The following MAML3 variants were observed in gnomAD, a reference collection of about 807,000 sequenced individuals.
MAML3 encodes the protein mastermind-like protein 3.
MAML3 carries 27 observed loss-of-function variants against 101.9 expected under a neutral mutation model. That is an observed-to-expected ratio of 0.27 (90% CI 0.20 to 0.37). The LOEUF (loss-of-function observed/expected upper bound fraction) is 0.37, where lower values mean the gene tolerates loss of function less well. Ranked by LOEUF, MAML3 falls within the 10% of genes least tolerant of loss-of-function variation. The pLI is 1.00. For synonymous variants in MAML3, 501 were observed against 555.9 expected, an observed-to-expected ratio of 0.90 and a Z score of 1.39; for missense variants, 1,316 against 1,444.9, an observed-to-expected ratio of 0.91 and a Z score of 1.45.
intron 2 of MAML3, among the ~76,000 whole-genome samples, chr4:139,870,758 C>T (rs1168383000): frequency 1.3e-5 from 2 of 152,214 alleles, no homozygotes; most frequent in African/African-American, 4.8e-5. Flanking sequence ...CCTTCCACCT[C>T]AGCCTCCTAA....
At chr4:140,119,584 A>G (rs1471533619) in intron 1 of MAML3, among the ~76,000 whole-genome samples, 1 of 135,492 alleles carries the variant, frequency 7.4e-6, no homozygotes, top group African/African-American at 2.9e-5. Context: ...GGGATACACA[A>G]TTTTTTCCCC....
chr4:139,820,271 A>T (rs1316631872), intron 2 of MAML3, among the ~76,000 whole-genome samples: 2 of 152,268 alleles, frequency 1.3e-5, no homozygotes, highest in Admixed American at 1.3e-4. Context: ...TTACAAAAAC[A>T]TCACCTTTTA....
intron 1 of MAML3, among the ~76,000 whole-genome samples, chr4:139,979,334 C>T (rs1248744649): frequency 6.6e-6 from 1 of 152,166 alleles, no homozygotes; most frequent in Non-Finnish European, 1.5e-5. Flanking sequence ...TTCATTTAAA[C>T]ATGCCTTCTC....
chr4:139,849,070 A>G (rs148866160), intron 2 of MAML3, among the ~76,000 whole-genome samples: 8 of 152,276 alleles, frequency 5.3e-5, no homozygotes, highest in Admixed American at 5.2e-4. Context: ...TCTTCCTGAC[A>G]TATATATTTA....
intron 1 of MAML3, among the ~76,000 whole-genome samples, chr4:140,141,525 T>C (rs1728980043): frequency 1.3e-5 from 2 of 152,136 alleles, no homozygotes; most frequent in Admixed American, 1.3e-4. Flanking sequence ...AATAAAGCCA[T>C]ATAATCAAGC....
At chr4:140,001,270 C>T (rs1291924162) in intron 1 of MAML3, among the ~76,000 whole-genome samples, 2 of 152,194 alleles carry the variant, frequency 1.3e-5, no homozygotes, top group East Asian at 3.8e-4. Flanking sequence ...AGAGCTTCTT[C>T]TCTATAATGA....
At position 139,936,826 on chromosome 4, in the gene MAML3, AC is replaced by A. The variant is rs1281693860; in HGVS notation, c.469-45860del. Among the ~76,000 whole-genome samples, 8 of 152,180 alleles carry A rather than the reference AC, an allele frequency of 5.3e-5. 1 individual carries two copies. In the South Asian group the frequency reaches 1.7e-3, roughly 32 times the overall value. ...CCACTTAAATAGCGTTTAAAAAGTGACCCCCCTGAAAGAAAGTCCTATTTAA... is the reference window on the plus strand; with the variant it reads ...CCACTTAAATAGCGTTTAAAAAGTGACCCCCTGAAAGAAAGTCCTATTTAA... On this transcript the variant is annotated intron_variant, in intron 1 of 4. Transcript: ENST00000509479.
At chr4:139,831,728 A>G (rs1455181278) in intron 2 of MAML3, among the ~76,000 whole-genome samples, 2 of 152,132 alleles carry the variant, frequency 1.3e-5, no homozygotes, top group Admixed American at 1.3e-4. Flanking sequence ...AAAAAAATCA[A>G]TTAAACCGAA....
chr4:139,743,168 A>C (rs1194373678), intron 2 of MAML3, among the ~76,000 whole-genome samples: 1 of 152,204 alleles, frequency 6.6e-6, no homozygotes, highest in Non-Finnish European at 1.5e-5. Context: ...ACACGTCTCC[A>C]CCTAAAGTTA....
At chr4:139,856,966 G>C (rs1165215676) in intron 2 of MAML3, among the ~76,000 whole-genome samples, 1 of 151,844 alleles carries the variant, frequency 6.6e-6, no homozygotes, top group African/African-American at 2.4e-5. Context: ...AAAAAATGAA[G>C]GAAATCCAAG....
At chr4:140,015,914 C>G (rs1161527270) in intron 1 of MAML3, among the ~76,000 whole-genome samples, 1 of 152,136 alleles carries the variant, frequency 6.6e-6, no homozygotes, top group Non-Finnish European at 1.5e-5. Flanking sequence ...GATTGTGCCA[C>G]TGCACTCCAG....
At chr4:139,911,526 C>T (rs1445431481) in intron 1 of MAML3, among the ~76,000 whole-genome samples, 1 of 152,124 alleles carries the variant, frequency 6.6e-6, no homozygotes, top group East Asian at 1.9e-4. Context: ...CCCAGAATTT[C>T]CTTTTTAAGG....
chr4:139,876,461 G>T (rs1423350668), intron 2 of MAML3, among the ~76,000 whole-genome samples: 1 of 152,204 alleles, frequency 6.6e-6, no homozygotes, highest in Non-Finnish European at 1.5e-5. Context: ...ACCAATGGGT[G>T]ATATTGAAAC....
intron 1 of MAML3, among the ~76,000 whole-genome samples, chr4:140,067,539 A>G (rs569912387): frequency 6.6e-6 from 1 of 152,292 alleles, no homozygotes; most frequent in South Asian, 2.1e-4. Context: ...GATAGAATTA[A>G]GTTCCTAAAA....
intron 2 of MAML3, among the ~76,000 whole-genome samples, chr4:139,879,906 C>T (rs1732185997): frequency 6.6e-6 from 1 of 152,190 alleles, no homozygotes; most frequent in Non-Finnish European, 1.5e-5. Flanking sequence ...GGTGTGGTGG[C>T]TCACGCCTGT....
intron 1 of MAML3, chr4:140,134,045 C>A (rs1170770492): frequency 2.2e-6 from 1 of 450,466 alleles, no homozygotes; most frequent in Non-Finnish European, 4.5e-6. Flanking sequence ...ATCTCTCCCT[C>A]CAGGGAGGTT....
chr4:140,003,170 T>C (rs970015548), intron 1 of MAML3, among the ~76,000 whole-genome samples: 5 of 152,210 alleles, frequency 3.3e-5, no homozygotes, highest in Admixed American at 6.5e-5. Flanking sequence ...TCATGAACTG[T>C]TGATGGCACG....
chr4:140,040,181 T>C (rs2110906222), intron 1 of MAML3, among the ~76,000 whole-genome samples: 2 of 152,324 alleles, frequency 1.3e-5, no homozygotes, highest in Middle Eastern at 6.8e-3. Context: ...AGAGAGCATC[T>C]AACAAGATCC....
In MAML3 at chr4:140,069,384, A is replaced by AGG. The variant is rs1727594441; in HGVS notation, c.468+83475_468+83476insCC. The stretch of plus-strand genomic sequence containing the variant: ...GGAGAAGAAGAAGAAGAAGAAGAAG[A>AGG]AGGAGGAGGAGGAGGAGGAGGAGGA... On this transcript the variant is annotated intron_variant, in intron 1 of 4. Transcript: ENST00000509479. 4.1e-4 allele frequency among the ~76,000 whole-genome samples: 25 copies of AGG among 60,454 alleles called. 2 individuals are homozygous for AGG. The highest frequency in any genetic ancestry group is 1.2e-3 in the African/African-American group (20 of 16,330). 39.7% of individuals were successfully genotyped at this position (60,454 alleles called of 152,430 possible).
Sources: gnomAD v4.1 joint callset for allele counts (sites outside exome capture counted in the v4.1 genomes callset) on GRCh38, gnomAD v4.1.1 for gene constraint, MANE v1.5 for transcripts, NCBI Gene and HGNC (gene_info 2026-07-23, HGNC 2026-07-21) for gene names.